The following KCTD8 variants were observed in gnomAD, a reference collection of about 807,000 sequenced individuals.
KCTD8 encodes BTB/POZ domain-containing protein KCTD8.
Under a neutral mutation model 31.5 loss-of-function variants are expected in KCTD8, and 27 were observed. That is an observed-to-expected ratio of 0.86 (90% CI 0.63 to 1.18). The LOEUF is 1.18. Ranked by LOEUF, KCTD8 falls within the 50% of genes most tolerant of loss-of-function variation. The pLI is 0.00. For synonymous variants in KCTD8, 290 were observed against 280.0 expected, an observed-to-expected ratio of 1.04 and a Z score of -0.36; for missense variants, 658 against 647.7, an observed-to-expected ratio of 1.02 and a Z score of -0.17.
chr4:44,354,151 A>C (rs1188896240), intron 1 of KCTD8, among the ~76,000 whole-genome samples: 6 of 152,098 alleles, frequency 3.9e-5, no homozygotes, highest in Admixed American at 3.9e-4. Context: ...AATGAAACTT[A>C]TTACTCTTCT....
chr4:44,291,183 A>G (rs1717261609), intron 1 of KCTD8, among the ~76,000 whole-genome samples: 1 of 152,142 alleles, frequency 6.6e-6, no homozygotes, highest in Non-Finnish European at 1.5e-5. Context: ...ATGAACACCT[A>G]TATGAACACT....
Position 44,448,532 on chromosome 4 carries a change from C to A in KCTD8, c.-9G>T. 4 of 1,451,846 alleles carry A rather than the reference C, an allele frequency of 2.8e-6. No homozygotes were observed. The highest frequency in any genetic ancestry group is 2.7e-6 in the Non-Finnish European group (3 of 1,106,392). The allele number at this position is 1,451,846 out of a possible 1,614,324, so 89.9% of individuals were successfully genotyped here. On this transcript the variant is annotated 5_prime_UTR_variant, in exon 1 of 2. Transcript: ENST00000360029. This position sits in a 1 kb window ranked among gnomAD's most constrained non-coding sequence, Gnocchi z 4.1. ...GTGTCCTTCAGAGCCATAGTCCCCCCGCCGCCGGCCCAGTGACCCGAGAGA... is the reference window on the plus strand; with the variant it reads ...GTGTCCTTCAGAGCCATAGTCCCCCAGCCGCCGGCCCAGTGACCCGAGAGA...
chr4:44,412,292 G>A (rs997423232), intron 1 of KCTD8, among the ~76,000 whole-genome samples: 1 of 152,126 alleles, frequency 6.6e-6, no homozygotes, highest in African/African-American at 2.4e-5. Context: ...AATTAGCCAA[G>A]TAAATGACAC....
intron 1 of KCTD8, among the ~76,000 whole-genome samples, chr4:44,261,209 A>G (rs1004006817): frequency 6.6e-6 from 1 of 151,920 alleles, no homozygotes; most frequent in Non-Finnish European, 1.5e-5. Flanking sequence ...GTTGGGGTAA[A>G]CTGGAGGAGG....
intron 1 of KCTD8, among the ~76,000 whole-genome samples, chr4:44,432,313 T>C (rs564725346): frequency 2.0e-5 from 3 of 151,678 alleles, no homozygotes; most frequent in Non-Finnish European, 4.4e-5. Flanking sequence ...GATATTTATT[T>C]GCTTCTTTCT....
At chr4:44,358,821 G>C (rs559221976) in intron 1 of KCTD8, among the ~76,000 whole-genome samples, 1 of 151,924 alleles carries the variant, frequency 6.6e-6, no homozygotes, top group Non-Finnish European at 1.5e-5. Flanking sequence ...CACCCGCCTC[G>C]GCCTCCCAAT....
Position 44,338,599 on chromosome 4 carries a change from A to T in KCTD8, c.961+108964T>A, listed in dbSNP as rs985073827. Among the ~76,000 whole-genome samples, 6 of 152,156 alleles carry T rather than the reference A, an allele frequency of 3.9e-5. No individual in the cohort carries two copies. In the East Asian group the frequency reaches 1.2e-3, roughly 29 times the overall value. On this transcript the variant is annotated intron_variant, in intron 1 of 1. Transcript: ENST00000360029. ...AGGATATTAAAACAGATACGTATGG[A>T]TGTGTGCGTGAGTGATACCACACGT...
At chr4:44,385,015 C>A (rs1174063055) in intron 1 of KCTD8, among the ~76,000 whole-genome samples, 1 of 150,924 alleles carries the variant, frequency 6.6e-6, no homozygotes, top group African/African-American at 2.4e-5. Context: ...TAGGAATAAG[C>A]TTAACCAAGA....
At chr4:44,302,285 T>C (rs866674117) in intron 1 of KCTD8, among the ~76,000 whole-genome samples, 7 of 152,164 alleles carry the variant, frequency 4.6e-5, no homozygotes, top group Middle Eastern at 6.3e-3. Flanking sequence ...GCGGATGGCA[T>C]TGAATCTATA....
chr4:44,399,839 G>A (rs899833851), intron 1 of KCTD8, among the ~76,000 whole-genome samples: 2 of 152,094 alleles, frequency 1.3e-5, no homozygotes, highest in Non-Finnish European at 2.9e-5. Context: ...AATTCCAATA[G>A]GGATAAATAT....
intron 1 of KCTD8, among the ~76,000 whole-genome samples, chr4:44,199,115 T>C (rs1041878145): frequency 6.6e-6 from 1 of 152,100 alleles, no homozygotes; most frequent in Admixed American, 6.6e-5. Context: ...CATAAAGATA[T>C]ATACACCCAA....
intron 1 of KCTD8, among the ~76,000 whole-genome samples, chr4:44,398,890 A>T (rs1720577107): frequency 6.6e-6 from 1 of 152,188 alleles, no homozygotes; most frequent in Non-Finnish European, 1.5e-5. Context: ...GACAAGTGTG[A>T]GTTGAAGTCA....
At chr4:44,294,990 C>T (rs919321280) in intron 1 of KCTD8, among the ~76,000 whole-genome samples, 5 of 152,130 alleles carry the variant, frequency 3.3e-5, no homozygotes, top group East Asian at 1.9e-4. Context: ...AGATAAAAGG[C>T]TGTCAAAAAC....
At chr4:44,263,095 T>A (rs751016942) in intron 1 of KCTD8, among the ~76,000 whole-genome samples, 14 of 152,144 alleles carry the variant, frequency 9.2e-5, no homozygotes, top group Non-Finnish European at 1.9e-4. Context: ...CACATATTCT[T>A]TCCTCTCCCA....
chr4:44,265,316 A>G (rs1033123614), intron 1 of KCTD8, among the ~76,000 whole-genome samples: 2 of 152,172 alleles, frequency 1.3e-5, no homozygotes, highest in Admixed American at 1.3e-4. Flanking sequence ...ACTCCAACAG[A>G]ACTGCAGCTG....
chr4:44,198,818 G>T (rs1053571361), intron 1 of KCTD8, among the ~76,000 whole-genome samples: 4 of 152,038 alleles, frequency 2.6e-5, no homozygotes, highest in Non-Finnish European at 5.9e-5. Context: ...TACTAACCCT[G>T]AATACCAATG....
intron 1 of KCTD8, among the ~76,000 whole-genome samples, chr4:44,299,108 G>T (rs1352542228): frequency 1.3e-5 from 2 of 152,130 alleles, no homozygotes; most frequent in Non-Finnish European, 2.9e-5. Context: ...CCCAATTATA[G>T]AAGTGAATAC....
chr4:44,445,268 T>A (rs1444272328), intron 1 of KCTD8, among the ~76,000 whole-genome samples: 1 of 152,120 alleles, frequency 6.6e-6, no homozygotes, highest in African/African-American at 2.4e-5. Flanking sequence ...AAATTTTACA[T>A]CCAACATTTA....
intron 1 of KCTD8, among the ~76,000 whole-genome samples, chr4:44,346,424 CA>C (rs1314378934): frequency 2.0e-5 from 3 of 152,016 alleles, no homozygotes; most frequent in South Asian, 2.1e-4. Flanking sequence ...TGGTGATATT[CA>C]AAGCGACAAT....
Sources: allele counts gnomAD v4.1 joint callset (sites outside exome capture counted in the v4.1 genomes callset), GRCh38; gene constraint gnomAD v4.1.1; non-coding constraint Gnocchi (gnomAD v3.1); transcripts MANE v1.5; gene names NCBI Gene and HGNC (gene_info 2026-07-23, HGNC 2026-07-21).